Variants in TMOD1 observed in about 807,000 individuals in gnomAD.
The protein encoded by TMOD1 is tropomodulin-1.
A neutral mutation model predicts 40.6 loss-of-function variants in TMOD1; 17 were observed. The ratio of observed to expected loss-of-function variants is 0.42; its 90% CI spans 0.29 to 0.63. The LOEUF (loss-of-function observed/expected upper bound fraction) is 0.63. TMOD1 is among the 20% of genes least tolerant of loss of function. The probability of loss-of-function intolerance (pLI) is 0.22; values close to 1 mark genes in which losing one functional copy is unlikely to be tolerated. For missense variants in TMOD1, 391 were observed against 447.6 expected, an observed-to-expected ratio of 0.87 and a Z score of 1.14; for synonymous variants, 181 against 175.0, an observed-to-expected ratio of 1.03 and a Z score of -0.27.
At chr9:97,527,135 A>AG (rs1830028146) in intron 2 of TMOD1, among the ~76,000 whole-genome samples, 1 of 152,180 alleles carries the variant, frequency 6.6e-6, no homozygotes, top group African/African-American at 2.4e-5. Flanking sequence ...CCTGTGTTTC[A>AG]GTAAAAACAA....
chr9:97,588,629 T>A (rs1245498751), intron 8 of TMOD1, among the ~76,000 whole-genome samples: 1 of 152,216 alleles, frequency 6.6e-6, no homozygotes, highest in Non-Finnish European at 1.5e-5. Flanking sequence ...GCATTGATTC[T>A]TTTAATCAAT....
chr9:97,577,948 G>A lies in TMOD1; in HGVS notation c.870+8911G>A, dbSNP rs115292525. On this transcript the variant is annotated intron_variant, in intron 8 of 9. Coordinates refer to ENST00000259365, the MANE Select transcript of TMOD1 (RefSeq NM_003275.4). ...ACTTGAAAAATAAGTCAGAGAACTG[G>A]TTTTTAGTCGTGGCTCCCCAGCCAC... Among the ~76,000 whole-genome samples, 253 of 152,286 alleles carry A rather than the reference G, an allele frequency of 1.7e-3. 1 individual carries two copies. The highest frequency in any genetic ancestry group is 5.7e-3 in the African/African-American group (238 of 41,552).
intron 8 of TMOD1, 131 bp downstream of exon 8, chr9:97,569,168 C>A: frequency 2.6e-6 from 3 of 1,168,410 alleles, no homozygotes; most frequent in South Asian, 1.6e-5. Flanking sequence ...GAGGGACCTC[C>A]AAGGTCCCTA....
chr9:97,599,035 C>T (rs946702640), intron 9 of TMOD1, among the ~76,000 whole-genome samples: 5 of 152,196 alleles, frequency 3.3e-5, no homozygotes, highest in African/African-American at 1.2e-4. Flanking sequence ...TTTAAGCTAA[C>T]GTCTCCAGCC....
At chr9:97,509,570 G>T (rs186771350) in intron 1 of TMOD1, among the ~76,000 whole-genome samples, 1 of 149,430 alleles carries the variant, frequency 6.7e-6, no homozygotes, top group East Asian at 2.0e-4. Flanking sequence ...GAGTGCAGTG[G>T]CTCACTGCAA....
At chr9:97,561,778 C>T (rs978333309) in intron 4 of TMOD1, among the ~76,000 whole-genome samples, 2 of 152,186 alleles carry the variant, frequency 1.3e-5, no homozygotes, top group African/African-American at 4.8e-5. Context: ...GACCTTCCTC[C>T]CTCACTGGCC....
chr9:97,504,524 GC>G (rs1829559807), intron 1 of TMOD1, among the ~76,000 whole-genome samples: 1 of 152,170 alleles, frequency 6.6e-6, no homozygotes, highest in Non-Finnish European at 1.5e-5. Flanking sequence ...TAAAAGGTGT[GC>G]CCATAATGAG....
At chr9:97,529,566 ATC>A (rs368887237) in intron 2 of TMOD1, among the ~76,000 whole-genome samples, 1 of 151,610 alleles carries the variant, frequency 6.6e-6, no homozygotes, top group African/African-American at 2.4e-5. Context: ...AAAACTTTCT[ATC>A]TCTCTCTCTG....
At chr9:97,524,439 C>T in intron 2 of TMOD1, 131 bp downstream of exon 2, 1 of 1,129,278 alleles carries the variant, frequency 8.9e-7, no homozygotes, top group Non-Finnish European at 1.2e-6. Context: ...TTTGCCTTTG[C>T]AGATTTTTCT....
intron 4 of TMOD1, among the ~76,000 whole-genome samples, chr9:97,556,807 G>C (rs1328743702): frequency 1.3e-5 from 2 of 152,230 alleles, no homozygotes; most frequent in Non-Finnish European, 2.9e-5. Flanking sequence ...CTATGGAGAA[G>C]AGCCTAGGAG....
intron 2 of TMOD1, among the ~76,000 whole-genome samples, chr9:97,535,362 C>T (rs1165856470): frequency 1.3e-5 from 2 of 152,190 alleles, no homozygotes; most frequent in African/African-American, 4.8e-5. Flanking sequence ...CCTCCCCTAG[C>T]AGGCCATGCC....
At chr9:97,597,674 G>A (rs1422242525) in intron 9 of TMOD1, among the ~76,000 whole-genome samples, 1 of 111,248 alleles carries the variant, frequency 9.0e-6, no homozygotes, top group Non-Finnish European at 1.7e-5. Flanking sequence ...CTCCAGCCTG[G>A]CAACAGAGCA....
At chr9:97,586,727 G>A (rs1280145211) in intron 8 of TMOD1, among the ~76,000 whole-genome samples, 8 of 151,822 alleles carry the variant, frequency 5.3e-5, no homozygotes, top group Admixed American at 2.0e-4. Context: ...TTTTAAGCCC[G>A]TCGGAAAAGC....
In TMOD1 at chr9:97,561,444, C is replaced by T. The variant is rs1587943990; in HGVS notation, c.398-1288C>T. Among the ~76,000 whole-genome samples the T allele has an allele frequency of 2.6e-5, 4 of 152,316 alleles. No individual in the cohort carries two copies. In the East Asian group the frequency reaches 7.7e-4, roughly 29 times the overall value. On this transcript the variant is annotated intron_variant, in intron 4 of 9. Coordinates refer to ENST00000259365, the MANE Select transcript of TMOD1 (RefSeq NM_003275.4). ...AATGCAGGTGCCTGAGCTCCACCCC[C>T]AGATATTTTGGGTTAATTGGTCTAG...
chr9:97,532,494 T>C (rs1224472866), intron 2 of TMOD1, among the ~76,000 whole-genome samples: 1 of 152,218 alleles, frequency 6.6e-6, no homozygotes, highest in African/African-American at 2.4e-5. Flanking sequence ...TGTTTCCTAT[T>C]TGATTTTGAC....
intron 9 of TMOD1, among the ~76,000 whole-genome samples, chr9:97,598,808 A>G (rs576897269): frequency 1.3e-5 from 2 of 152,106 alleles, no homozygotes; most frequent in Non-Finnish European, 2.9e-5. Context: ...GTATAGACGG[A>G]CTTTTTTTCC....
At chr9:97,528,116 C>T (rs1478222500) in intron 2 of TMOD1, among the ~76,000 whole-genome samples, 1 of 152,102 alleles carries the variant, frequency 6.6e-6, no homozygotes, top group East Asian at 1.9e-4. Flanking sequence ...GCCTCAGCAG[C>T]AAATACCCAG....
In TMOD1 at chr9:97,532,118, C is replaced by T. The variant is rs573433510; in HGVS notation, c.120+7810C>T. Among the ~76,000 whole-genome samples the T allele has an allele frequency of 5.9e-5, 9 of 152,284 alleles. No homozygotes were observed. In the South Asian group the frequency reaches 1.7e-3, roughly 28 times the overall value. On this transcript the variant is annotated intron_variant, in intron 2 of 9. Coordinates refer to ENST00000259365, the MANE Select transcript of TMOD1 (RefSeq NM_003275.4). ...CGTGATTCTCCTTTGTAACACAAAC[C>T]GGCAGAATCGCAAGCCCAGGACAGA...
intron 1 of TMOD1, among the ~76,000 whole-genome samples, chr9:97,515,164 C>T (rs2131213285): frequency 6.7e-6 from 1 of 148,802 alleles, no homozygotes; most frequent in South Asian, 2.2e-4. Context: ...TAGTGAGACC[C>T]TGTCTCTACC....
Sources: allele counts gnomAD v4.1 joint callset (sites outside exome capture counted in the v4.1 genomes callset), GRCh38; gene constraint gnomAD v4.1.1; transcripts MANE v1.5; gene names NCBI Gene and HGNC (gene_info 2026-07-23, HGNC 2026-07-21).